Variants in STPG2 observed in about 807,000 individuals in gnomAD.
STPG2 encodes sperm-tail PG-rich repeat-containing protein 2.
Under a neutral mutation model 54.2 loss-of-function variants are expected in STPG2, and 56 were observed. That is an observed-to-expected ratio of 1.03 (90% CI 0.83 to 1.29). The LOEUF is 1.29. STPG2 is among the 50% of genes most tolerant of loss of function. The pLI, the probability that STPG2 is intolerant of heterozygous loss-of-function variation, is 0.00. For missense variants in STPG2, 596 were observed against 544.9 expected (o/e 1.09, Z -0.93); for synonymous variants, 200 against 181.8 (o/e 1.10, Z -0.81).
chr4:98,035,034 A>G (rs1334250343), intron 5 of STPG2, among the ~76,000 whole-genome samples: 1 of 152,208 alleles, frequency 6.6e-6, no homozygotes, highest in African/African-American at 2.4e-5. Flanking sequence ...GGACATAGGC[A>G]TGGGCAAAGA....
At chr4:97,896,909 T>C (rs548415254) in intron 8 of STPG2, among the ~76,000 whole-genome samples, 1 of 151,364 alleles carries the variant, frequency 6.6e-6, no homozygotes, top group Non-Finnish European at 1.5e-5. Flanking sequence ...CTTTTCTTTA[T>C]TTAACTTTTA....
At chr4:97,794,052 T>C (rs538842646) in intron 9 of STPG2, among the ~76,000 whole-genome samples, 1 of 152,182 alleles carries the variant, frequency 6.6e-6, no homozygotes, top group African/African-American at 2.4e-5. Context: ...CATAGCAATA[T>C]AAAATTTGAG....
At chr4:97,977,392 T>C (rs1734534099) in intron 6 of STPG2, among the ~76,000 whole-genome samples, 1 of 152,218 alleles carries the variant, frequency 6.6e-6, no homozygotes, top group East Asian at 1.9e-4. Context: ...CCTTTTCACC[T>C]TTGGAGCACT....
intron 1 of STPG2, among the ~76,000 whole-genome samples, chr4:98,141,683 C>T (rs890755288): frequency 6.6e-6 from 1 of 152,160 alleles, no homozygotes; most frequent in Non-Finnish European, 1.5e-5. Context: ...TGTACCCCAA[C>T]CACCTTGGGC....
chr4:97,766,053 G>A (rs1726040815), intron 9 of STPG2, among the ~76,000 whole-genome samples: 1 of 152,026 alleles, frequency 6.6e-6, no homozygotes. Context: ...ACTGATATTG[G>A]GAGGTACTGA....
intron 8 of STPG2, among the ~76,000 whole-genome samples, chr4:97,878,654 T>C (rs1204530459): frequency 1.3e-5 from 2 of 152,144 alleles, no homozygotes; most frequent in African/African-American, 4.8e-5. Flanking sequence ...GTCAGGCCCA[T>C]GAAACCATTA....
intron 10 of STPG2, among the ~76,000 whole-genome samples, chr4:97,616,057 AATAT>A (rs70953077): frequency 0.069 from 2,598 of 37,390 alleles, 137 homozygotes; most frequent in East Asian, 0.11. Flanking sequence ...AATACATATA[AATAT>A]ATATATATAT....
intron 5 of STPG2, among the ~76,000 whole-genome samples, chr4:98,090,142 AG>A: frequency 6.6e-6 from 1 of 152,094 alleles, no homozygotes; most frequent in African/African-American, 2.4e-5. Flanking sequence ...TGTCTAAAGC[AG>A]TTTTTCTGAT....
At chr4:97,864,863 T>C (rs1729705095) in intron 8 of STPG2, among the ~76,000 whole-genome samples, 1 of 152,104 alleles carries the variant, frequency 6.6e-6, no homozygotes, top group Non-Finnish European at 1.5e-5. Flanking sequence ...ATTCAACAAA[T>C]GGTGCTGGGA....
intron 4 of STPG2, among the ~76,000 whole-genome samples, chr4:97,448,527 T>C (rs193289903): frequency 6.6e-6 from 1 of 152,250 alleles, no homozygotes; most frequent in East Asian, 1.9e-4. Context: ...CATCTGATGA[T>C]TTTATAAGTG....
intron 4 of STPG2, among the ~76,000 whole-genome samples, chr4:97,534,584 G>C (rs1288566577): frequency 6.6e-6 from 1 of 151,700 alleles, no homozygotes; most frequent in South Asian, 2.1e-4. Context: ...ATCAACTATA[G>C]GACTATTACT....
chr4:97,888,401 A>G (rs548933158), intron 8 of STPG2, among the ~76,000 whole-genome samples: 1 of 152,326 alleles, frequency 6.6e-6, no homozygotes, highest in African/African-American at 2.4e-5. Flanking sequence ...GACCCCTTGC[A>G]CCAGTGTGCT....
intron 8 of STPG2, among the ~76,000 whole-genome samples, chr4:97,843,128 G>C (rs1168084180): frequency 6.6e-6 from 1 of 151,720 alleles, no homozygotes; most frequent in Admixed American, 6.6e-5. Context: ...AATAAAGAAG[G>C]GACATGAAGA....
chr4:97,826,714 AT>A (rs1437635779), intron 9 of STPG2, among the ~76,000 whole-genome samples: 1 of 152,214 alleles, frequency 6.6e-6, no homozygotes, highest in Non-Finnish European at 1.5e-5. Context: ...CAAATATTAA[AT>A]GGTGTTTGGC....
intron 9 of STPG2, among the ~76,000 whole-genome samples, chr4:97,770,881 GC>G (rs1726196587): frequency 6.6e-6 from 1 of 152,110 alleles, no homozygotes; most frequent in South Asian, 2.1e-4. Flanking sequence ...TTTTTTAGAA[GC>G]TCTTTTTTCT....
intron 3 of STPG2, among the ~76,000 whole-genome samples, chr4:98,113,988 G>A (rs1164312408): frequency 6.6e-6 from 1 of 152,018 alleles, no homozygotes; most frequent in Admixed American, 6.6e-5. Flanking sequence ...GTCCAGCACA[G>A]CAGTACATGC....
At chr4:98,030,749 G>T (rs1736568893) in intron 5 of STPG2, among the ~76,000 whole-genome samples, 1 of 152,112 alleles carries the variant, frequency 6.6e-6, no homozygotes, top group Admixed American at 6.5e-5. Flanking sequence ...ACAACTATCT[G>T]ATCTTCAACA....
intron 9 of STPG2, among the ~76,000 whole-genome samples, chr4:97,752,536 G>T (rs986275814): frequency 6.6e-6 from 1 of 151,630 alleles, no homozygotes; most frequent in Non-Finnish European, 1.5e-5. Flanking sequence ...TCACCTCTCT[G>T]CTTTAGCACA....
At chr4:97,742,788 A>T (rs1174648541) in intron 9 of STPG2, among the ~76,000 whole-genome samples, 1 of 151,714 alleles carries the variant, frequency 6.6e-6, no homozygotes, top group African/African-American at 2.4e-5. Context: ...GTAGGCAAAA[A>T]GGTACAAAGT....
Sources: allele counts gnomAD v4.1 joint callset (sites outside exome capture counted in the v4.1 genomes callset), GRCh38; gene constraint gnomAD v4.1.1; transcripts MANE v1.5; gene names NCBI Gene and HGNC (gene_info 2026-07-23, HGNC 2026-07-21).